The following TENM1 variants were observed in gnomAD, a reference collection of about 807,000 sequenced individuals.
The protein encoded by TENM1 is teneurin-1.
In TENM1, 35 loss-of-function variants were observed where a neutral mutation model predicts 174.8. The observed-to-expected ratio is 0.20, with a 90% CI of 0.15 to 0.27. TENM1 has a LOEUF of 0.27. Ranked by LOEUF, TENM1 falls within the 10% of genes least tolerant of loss-of-function variation. The pLI, the probability that TENM1 is intolerant of heterozygous loss-of-function variation, is 1.00. For missense variants in TENM1, 1,633 were observed against 2,130.1 expected (o/e 0.77, Z 4.59); for synonymous variants, 781 against 798.7 (o/e 0.98, Z 0.37).
chrX:124,530,765 T>A (rs1407310017), intron 15 of TENM1, among the ~76,000 whole-genome samples: 1 of 112,145 alleles, frequency 8.9e-6, no homozygotes. Flanking sequence ...TCAAGACACT[T>A]TCCCTTTAAA....
intron 7 of TENM1, 77 bp downstream of exon 10, chrX:124,653,507 C>T: frequency 1.2e-6 from 1 of 825,562 alleles, no homozygotes; most frequent in East Asian, 3.1e-5. Flanking sequence ...CCACATATTT[C>T]ATAAGTCACA....
the TENM1 span, among the ~76,000 whole-genome samples, chrX:125,161,859 T>C: frequency 2.7e-5 from 3 of 112,095 alleles, no homozygotes; most frequent in Non-Finnish European, 5.6e-5. Flanking sequence ...CAGACCCAGG[T>C]CCCAGCTAAA....
the TENM1 span, among the ~76,000 whole-genome samples, chrX:125,196,596 T>C: frequency 1.8e-5 from 2 of 111,695 alleles, no homozygotes; most frequent in African/African-American, 6.5e-5. Context: ...CACAAACTTT[T>C]TGTTGATAGG....
At chrX:125,187,611 T>C in the TENM1 span, among the ~76,000 whole-genome samples, 3 of 111,814 alleles carry the variant, frequency 2.7e-5, no homozygotes, top group Non-Finnish European at 5.6e-5. Context: ...ATAATTTCTA[T>C]GTATATCTTT....
chrX:124,978,667 A>C, the TENM1 span, among the ~76,000 whole-genome samples: 1 of 111,595 alleles, frequency 9.0e-6, no homozygotes, highest in African/African-American at 3.3e-5. Flanking sequence ...TCCTTGTAGC[A>C]TTGTGGCTGG....
intron 27 of TENM1, among the ~76,000 whole-genome samples, chrX:124,397,376 C>T (rs2060347609): frequency 8.9e-6 from 1 of 111,852 alleles, no homozygotes. Flanking sequence ...ACCAACTACA[C>T]ACTTGCACAC....
At chrX:124,806,605 A>G (rs1355975905) in intron 3 of TENM1, among the ~76,000 whole-genome samples, 1 of 112,635 alleles carries the variant, frequency 8.9e-6, no homozygotes, top group Non-Finnish European at 1.9e-5. Context: ...TACACCTAGC[A>G]GCAAACTTGT....
At chrX:124,839,026 T>C (rs899835068) in intron 3 of TENM1, among the ~76,000 whole-genome samples, 6 of 111,037 alleles carry the variant, frequency 5.4e-5, no homozygotes, top group Non-Finnish European at 5.7e-5. Context: ...GTTTGTGTGG[T>C]TAAAAAAAAG....
At chrX:124,450,213 A>C (rs2061014966) in intron 23 of TENM1, among the ~76,000 whole-genome samples, 1 of 110,813 alleles carries the variant, frequency 9.0e-6, no homozygotes, top group Non-Finnish European at 1.9e-5. Context: ...CAAAAAAATT[A>C]GCCGGGCGTG....
chrX:124,398,726 C>T (rs982717523), intron 27 of TENM1, among the ~76,000 whole-genome samples: 1 of 110,773 alleles, frequency 9.0e-6, no homozygotes, highest in African/African-American at 3.3e-5. Context: ...CAATTTTAAG[C>T]GTACAATTTA....
At chrX:125,167,740 T>A in the TENM1 span, among the ~76,000 whole-genome samples, 3 of 110,637 alleles carry the variant, frequency 2.7e-5, no homozygotes, top group Non-Finnish European at 3.8e-5. Flanking sequence ...TCAGATCCAA[T>A]AAGGTAATAA....
At chrX:124,934,319 T>G (rs1035353365) in intron 1 of TENM1, among the ~76,000 whole-genome samples, 1 of 112,257 alleles carries the variant, frequency 8.9e-6, no homozygotes, top group Non-Finnish European at 1.9e-5. Context: ...ACTCCATGCA[T>G]TTTAGAATAA....
chrX:124,532,274 ATTTTTG>A (rs1449511831), intron 15 of TENM1, among the ~76,000 whole-genome samples: 3 of 111,606 alleles, frequency 2.7e-5, no homozygotes, highest in Non-Finnish European at 3.8e-5. Flanking sequence ...AGGCTCAATT[ATTTTTG>A]TTTTTATTTT....
chrX:124,531,389 G>C (rs1436233719), intron 15 of TENM1, among the ~76,000 whole-genome samples: 1 of 110,864 alleles, frequency 9.0e-6, no homozygotes. Context: ...TAATAAGCCA[G>C]AGTTGGTTGT....
At chrX:124,586,380 A>G (rs768897718) in intron 11 of TENM1, among the ~76,000 whole-genome samples, 3,558 of 106,241 alleles carry the variant, frequency 0.033, 101 homozygotes, top group African/African-American at 0.067. Flanking sequence ...AGGCTGGTTC[A>G]ATATACGCAA....
chrX:124,981,737 T>C, the TENM1 span, among the ~76,000 whole-genome samples: 1 of 111,313 alleles, frequency 9.0e-6, no homozygotes, highest in Non-Finnish European at 1.9e-5. Context: ...CTCTAGGTTG[T>C]CATCTAGATT....
chrX:124,731,999 A>G (rs1012396477), intron 4 of TENM1, among the ~76,000 whole-genome samples: 1 of 112,043 alleles, frequency 8.9e-6, no homozygotes, highest in Admixed American at 9.4e-5. Flanking sequence ...AGCATACCTA[A>G]CAAGCCTACA....
the TENM1 span, among the ~76,000 whole-genome samples, chrX:125,001,613 T>C: frequency 9.1e-6 from 1 of 110,368 alleles, no homozygotes; most frequent in Non-Finnish European, 1.9e-5. Flanking sequence ...ATAAAATATG[T>C]CCATAAAAGG....
intron 5 of TENM1, among the ~76,000 whole-genome samples, chrX:124,676,848 G>T (rs1016268446): frequency 5.2e-5 from 5 of 96,708 alleles, no homozygotes; most frequent in Non-Finnish European, 1.0e-4. Flanking sequence ...TCTCTTTCAA[G>T]AGGCACTCAT....
Sources: gnomAD v4.1 joint callset for allele counts (sites outside exome capture counted in the v4.1 genomes callset) on GRCh38, gnomAD v4.1.1 for gene constraint, MANE v1.5 for transcripts, NCBI Gene and HGNC (gene_info 2026-07-23, HGNC 2026-07-21) for gene names.